The following TBC1D2B variants were observed in gnomAD, a reference collection of about 807,000 sequenced individuals.
The protein encoded by TBC1D2B is TBC1 domain family, member 2B.
In TBC1D2B, 64 loss-of-function variants were observed where a neutral mutation model predicts 100.8. The observed-to-expected ratio is 0.64, with a 90% confidence interval of 0.52 to 0.78. TBC1D2B has a LOEUF of 0.78. Among genes scored for constraint, TBC1D2B ranks in the 30% least tolerant of loss-of-function variants. The pLI, the probability that TBC1D2B is intolerant of heterozygous loss-of-function variation, is 0.00. For missense variants in TBC1D2B, 1,052 were observed against 1,218.4 expected (o/e 0.86, Z 2.03); for synonymous variants, 480 against 479.7 (o/e 1.00, Z -0.01).
chr15:78,064,176 T>G (rs917707152), intron 1 of TBC1D2B, among the ~76,000 whole-genome samples: 4 of 152,078 alleles, frequency 2.6e-5, no homozygotes, highest in African/African-American at 9.7e-5. Context: ...TCCCACTCAC[T>G]CAAGACCCAG....
intron 1 of TBC1D2B, among the ~76,000 whole-genome samples, chr15:78,061,739 A>G (rs1020927109): frequency 6.6e-6 from 1 of 151,622 alleles, no homozygotes; most frequent in African/African-American, 2.4e-5. Context: ...TTTAATAAAA[A>G]CCATTAAATG....
At chr15:78,005,946 T>C (rs765791525) in intron 10 of TBC1D2B, among the ~76,000 whole-genome samples, 2 of 152,254 alleles carry the variant, frequency 1.3e-5, no homozygotes, top group Non-Finnish European at 1.5e-5. Flanking sequence ...CCAACTTTTA[T>C]TGAGTTTTTA....
At chr15:78,003,010 T>G in intron 11 of TBC1D2B, 1 of 250,522 alleles carries the variant, frequency 4.0e-6, no homozygotes, top group Non-Finnish European at 8.0e-6. Context: ...CTCCATATGA[T>G]GGGGTAACAC....
intron 10 of TBC1D2B, among the ~76,000 whole-genome samples, chr15:78,004,195 C>G (rs1359361348): frequency 6.6e-6 from 1 of 152,248 alleles, no homozygotes; most frequent in Non-Finnish European, 1.5e-5. Context: ...CTGTGTCAGG[C>G]ACGGGGCCAG....
intron 3 of TBC1D2B, among the ~76,000 whole-genome samples, chr15:78,040,838 A>AGAAAGAAAGGAAGGAAGAAAGAAAG (rs369034180): frequency 6.0e-5 from 1 of 16,568 alleles, no homozygotes. Flanking sequence ...AAAGAAAGAA[A>AGAAAGAAAGGAAGGAAGAAAGAAAG]AAAGAAAGAA....
chr15:78,002,113 A>G (rs1204887217), intron 11 of TBC1D2B, among the ~76,000 whole-genome samples: 1 of 152,230 alleles, frequency 6.6e-6, no homozygotes, highest in East Asian at 1.9e-4. Flanking sequence ...AAACTCTTAG[A>G]AAGTCCCACC....
intron 6 of TBC1D2B, among the ~76,000 whole-genome samples, chr15:78,019,184 A>G (rs1224195631): frequency 6.6e-6 from 1 of 152,172 alleles, no homozygotes; most frequent in Non-Finnish European, 1.5e-5. Context: ...ATGCAGAAGA[A>G]CTGAAAATGG....
At position 78,001,723 on chromosome 15, in the gene TBC1D2B, A is replaced by G; in HGVS notation, c.2592T>C (p.Ala864=). The G allele has an allele frequency of 1.2e-6, 2 of 1,607,954 alleles. No individual in the cohort carries two copies. The highest frequency in any genetic ancestry group is 1.7e-6 in the Non-Finnish European group (2 of 1,177,170). The part of the protein sequence containing the change: ...YEGPKVIFRF[A]LALFKYKEEE... ...CTTCCTTGTACTTAAAAAGTGCCAG[A>G]GCAAAACGGAAAATAACCTGTGGAA... Residue 864 remains alanine, a synonymous_variant, in exon 12 of 13, where the codon GCT becomes GCC. Transcript: ENST00000300584.
chr15:78,054,261 G>A, intron 1 of TBC1D2B, 74 bp from the exon 2 acceptor site: 1 of 1,428,028 alleles, frequency 7.0e-7, no homozygotes, highest in African/African-American at 1.4e-5. Context: ...TATGTCTCAT[G>A]AGTAGACTGT....
chr15:78,034,799 A>T (rs1484233352), intron 3 of TBC1D2B: 1 of 939,226 alleles, frequency 1.1e-6, no homozygotes, highest in Non-Finnish European at 1.3e-6. Flanking sequence ...CTGAAACAGT[A>T]TATAGCCAAT....
chr15:78,019,419 G>A (rs181269698), intron 6 of TBC1D2B, among the ~76,000 whole-genome samples: 43 of 152,240 alleles, frequency 2.8e-4, no homozygotes, highest in African/African-American at 1.0e-3. Context: ...TGGGCTCTTA[G>A]CTCCATGGTC....
chr15:78,030,308 C>CTT, intron 3 of TBC1D2B, 138 bp from the exon 4 acceptor site: 183 of 582,758 alleles, frequency 3.1e-4, no homozygotes, highest in East Asian at 5.6e-4. Context: ...TGGGGATTCC[C>CTT]TTTTTTTTTT....
chr15:78,043,774 C>G (rs2073137495), intron 3 of TBC1D2B, among the ~76,000 whole-genome samples: 1 of 152,038 alleles, frequency 6.6e-6, no homozygotes, highest in Non-Finnish European at 1.5e-5. Context: ...CTCATGTAAT[C>G]CCAGCACTTT....
At chr15:78,052,423 C>T (rs1285256713) in intron 2 of TBC1D2B, among the ~76,000 whole-genome samples, 1 of 152,058 alleles carries the variant, frequency 6.6e-6, no homozygotes, top group African/African-American at 2.4e-5. Context: ...TCTTGAGTGC[C>T]GACTTTGCTG....
At chr15:78,014,350 A>G (rs1042501528) in intron 8 of TBC1D2B, among the ~76,000 whole-genome samples, 1 of 152,232 alleles carries the variant, frequency 6.6e-6, no homozygotes, top group Non-Finnish European at 1.5e-5. Context: ...TGCTGAGCGT[A>G]AACTTACTCA....
rs962712528 is a variant in TBC1D2B at position 78,077,660 on chromosome 15, G to T, written c.-8C>A. 3 of 974,118 alleles carry T rather than the reference G, an allele frequency of 3.1e-6. No individual in the cohort carries two copies. The African/African-American group carries it at 5.6e-5, about 18-fold the overall frequency. The allele number at this position is 974,118 out of a possible 1,614,324, so 60.3% of individuals were successfully genotyped here. ...GGCTCCGGCCCCCGGCATCGCTACC[G>T]CGCGCCAACCGTAGGCGCCCGCGCC... On this transcript the variant is annotated 5_prime_UTR_variant, in exon 1 of 13. Transcript: ENST00000300584.
At chr15:78,062,132 A>C (rs2073559350) in intron 1 of TBC1D2B, among the ~76,000 whole-genome samples, 1 of 152,220 alleles carries the variant, frequency 6.6e-6, no homozygotes, top group Non-Finnish European at 1.5e-5. Flanking sequence ...CAACCCTGCA[A>C]GCCGTCTCCA....
In TBC1D2B at chr15:77,996,699, G is replaced by A. The variant is rs2071769533; in HGVS notation, c.*1461C>T. 1 of 152,244 alleles carries A rather than the reference G, an allele frequency of 6.6e-6. No individual in the cohort carries two copies. The highest frequency in any genetic ancestry group is 1.5e-5 in the Non-Finnish European group (1 of 68,048). The allele number at this position is 152,244 out of a possible 1,614,324, so 9.4% of individuals were successfully genotyped here. Reference sequence around the variant, plus strand: ...AACTTTGCCGTGGCATTGCCAAAAAGTTGACAGCAAAAAATAGGAAAAATA... The same window carrying A: ...AACTTTGCCGTGGCATTGCCAAAAAATTGACAGCAAAAAATAGGAAAAATA... On this transcript the variant is annotated 3_prime_UTR_variant, in exon 13 of 13. Coordinates refer to ENST00000300584, the MANE Select transcript of TBC1D2B (RefSeq NM_144572.2).
chr15:78,011,651 T>A (rs1209109007), intron 9 of TBC1D2B, among the ~76,000 whole-genome samples: 2 of 131,262 alleles, frequency 1.5e-5, no homozygotes, highest in African/African-American at 6.4e-5. Context: ...TTTGGTTTTT[T>A]TTTTTTTTTT....
Sources: allele counts gnomAD v4.1 joint callset (sites outside exome capture counted in the v4.1 genomes callset), GRCh38; gene constraint gnomAD v4.1.1; transcripts MANE v1.5; gene names NCBI Gene and HGNC (gene_info 2026-07-23, HGNC 2026-07-21).